Variants in DIPK1A observed in about 807,000 individuals in gnomAD.
The protein encoded by DIPK1A is family with sequence similarity 69 member A.
In DIPK1A, 27 loss-of-function variants were observed where a neutral mutation model predicts 40.8. The observed-to-expected ratio is 0.66, with a 90% CI of 0.49 to 0.91. The LOEUF (loss-of-function observed/expected upper bound fraction) is 0.91. DIPK1A is among the 40% of genes least tolerant of loss of function. The probability of loss-of-function intolerance (pLI) is 0.00; values close to 1 mark genes in which losing one functional copy is unlikely to be tolerated. For missense variants in DIPK1A, 412 were observed against 505.7 expected (o/e 0.81, Z 1.78); for synonymous variants, 166 against 171.3 (o/e 0.97, Z 0.24).
chr1:92,833,718 A>T, intron 4 of DIPK1A: 5 of 1,328,148 alleles, frequency 3.8e-6, no homozygotes, highest in Non-Finnish European at 5.4e-6. Flanking sequence ...GTGCTTGGGA[A>T]GCAAAGCACA....
chr1:92,901,588 A>T (rs1317349152), intron 1 of DIPK1A, among the ~76,000 whole-genome samples: 2 of 152,048 alleles, frequency 1.3e-5, no homozygotes, highest in Non-Finnish European at 2.9e-5. Flanking sequence ...TATGGCTGCA[A>T]CTTGGAAACC....
chr1:92,954,408 C>T (rs1250592945), intron 1 of DIPK1A, among the ~76,000 whole-genome samples: 8 of 112,730 alleles, frequency 7.1e-5, no homozygotes, highest in Non-Finnish European at 1.3e-4. Flanking sequence ...GACAGAGTCT[C>T]ACTCTGTCAC....
chr1:92,855,389 CCAAA>C lies in DIPK1A; in HGVS notation c.190-4438_190-4435del, dbSNP rs529553910. Among the ~76,000 whole-genome samples, 241 of 152,036 alleles carry C rather than the reference CCAAA, an allele frequency of 1.6e-3. 2 individuals are homozygous for C. The highest frequency in any genetic ancestry group is 4.9e-3 in the African/African-American group (204 of 41,500). On this transcript the variant is annotated intron_variant, in intron 2 of 4. Transcript: ENST00000370310. ...AGACTTAAAAAAACCAACCAACCAA[CCAAA>C]CAAACAAACAAAAAAAACCCAACAG...
intron 1 of DIPK1A, among the ~76,000 whole-genome samples, chr1:92,912,058 G>A (rs1322140543): frequency 7.2e-6 from 1 of 139,146 alleles, no homozygotes; most frequent in Admixed American, 7.2e-5. Flanking sequence ...TAAAGAAACT[G>A]CCAAACTATT....
chr1:92,933,361 C>T (rs1345831756), intron 1 of DIPK1A: 1 of 152,118 alleles, frequency 6.6e-6, no homozygotes, highest in Admixed American at 6.6e-5. Context: ...GGGAGGCAGG[C>T]ATGGTCAATA....
intron 1 of DIPK1A, among the ~76,000 whole-genome samples, chr1:92,877,814 G>A (rs1220040238): frequency 2.0e-5 from 3 of 152,144 alleles, no homozygotes; most frequent in Non-Finnish European, 4.4e-5. Flanking sequence ...AAGATGACTC[G>A]TCTCTAATAA....
chr1:92,885,380 T>G (rs1386107650), intron 1 of DIPK1A, among the ~76,000 whole-genome samples: 1 of 152,210 alleles, frequency 6.6e-6, no homozygotes, highest in Non-Finnish European at 1.5e-5. Flanking sequence ...CTAATTCATT[T>G]TTTTTTTGGA....
chr1:92,840,539 C>A, downstream of DIPK1A: 1 of 1,604,154 alleles, frequency 6.2e-7, no homozygotes, highest in African/African-American at 1.3e-5. Flanking sequence ...TGTTTGCTTT[C>A]CTTTGTTTCA....
intron 1 of DIPK1A, among the ~76,000 whole-genome samples, chr1:92,956,423 G>C (rs2100923288): frequency 6.6e-6 from 1 of 152,312 alleles, no homozygotes; most frequent in East Asian, 1.9e-4. Context: ...TTCAGGCAAA[G>C]GCAAAAGCTA....
At chr1:92,866,957 ATGTG>A (rs146249082) in intron 2 of DIPK1A, among the ~76,000 whole-genome samples, 11 of 152,044 alleles carry the variant, frequency 7.2e-5, no homozygotes, top group Admixed American at 2.0e-4. Flanking sequence ...TGATTAAATA[ATGTG>A]TGTGTGTGTG....
At chr1:92,845,191 TC>T (rs1457854427) in intron 4 of DIPK1A, among the ~76,000 whole-genome samples, 6 of 150,708 alleles carry the variant, frequency 4.0e-5, no homozygotes, top group Non-Finnish European at 8.9e-5. Flanking sequence ...TTGTGATCCA[TC>T]CGTCTCGGCT....
chr1:92,961,418 A>G lies in DIPK1A; in HGVS notation c.12T>C (p.Ser4=). Residue 4 remains serine, a synonymous_variant, in exon 1 of 5, where the codon AGT becomes AGC. Transcript: ENST00000370310. The part of the protein sequence containing the change: MAR[S]LCPGAWLRKP... ...TCCTTAGCCAGGCCCCCGGACAGAG[A>G]CTCCTCGCCATGGTAATCACACATC... is the stretch of plus-strand genomic sequence containing the variant. The G allele has an allele frequency of 6.6e-7, 1 of 1,519,278 alleles. No homozygotes were observed. The highest frequency in any genetic ancestry group is 2.9e-5 in the East Asian group (1 of 35,086). The allele number at this position is 1,519,278 out of a possible 1,614,324, so 94.1% of individuals were successfully genotyped here. A position where few individuals can be genotyped will look rare whatever the true frequency, so the allele number is the denominator to read the frequency against.
rs1351246889 is a variant in DIPK1A, at chr1:92,843,032, A to G, written c.*351T>C. 12 of 1,003,012 alleles carry G rather than the reference A, an allele frequency of 1.2e-5. No homozygotes were observed. Among genetic ancestry groups the G allele is most frequent in the Non-Finnish European group, 1.4e-5 (12 of 841,946 alleles). 62.1% of individuals were successfully genotyped at this position (1,003,012 alleles called of 1,614,324 possible). A position where few individuals can be genotyped will look rare whatever the true frequency, so the allele number is the denominator to read the frequency against. ...GAACAGCAGCTTCAATGCAAACACA[A>G]TGCTTCCAGCATTGGTATTTTGGCT... is the stretch of plus-strand genomic sequence containing the variant. On this transcript the variant is annotated 3_prime_UTR_variant, in exon 5 of 5. Coordinates refer to ENST00000370310, the MANE Select transcript of DIPK1A (RefSeq NM_001006605.5).
rs908954921 is a variant in DIPK1A, at chr1:92,867,201, C to A, written c.189+9095G>T. Among the ~76,000 whole-genome samples, 9 of 144,442 alleles carry A rather than the reference C, an allele frequency of 6.2e-5. No individual in the cohort carries two copies. In the East Asian group the frequency reaches 1.9e-3, roughly 30 times the overall value. 94.8% of individuals were successfully genotyped at this position (144,442 alleles called of 152,430 possible). A position where few individuals can be genotyped will look rare whatever the true frequency, so the allele number is the denominator to read the frequency against. On this transcript the variant is annotated intron_variant, in intron 2 of 4. Transcript: ENST00000370310. ...AAAGCTGGAACTGAAACCTAAAGTT[C>A]TTTTACTCCAATTCTTTTTTTTTTT...
At chr1:92,836,671 TATTAGAA>T (rs893037425) in intron 4 of DIPK1A, 4 of 406,546 alleles carry the variant, frequency 9.8e-6, no homozygotes, top group African/African-American at 8.1e-5. Flanking sequence ...ACTTAATTCT[TATTAGAA>T]ATGAGCAACT....
At chr1:92,961,255 G>T (rs1299348687) in intron 1 of DIPK1A, 121 bp downstream of exon 1, 1 of 540,688 alleles carries the variant, frequency 1.8e-6, no homozygotes, top group Non-Finnish European at 2.8e-6. Context: ...GCAGGGGGCA[G>T]CGGGGTTCGG....
chr1:92,870,347 T>A (rs1016146557), intron 2 of DIPK1A, among the ~76,000 whole-genome samples: 1 of 152,174 alleles, frequency 6.6e-6, no homozygotes, highest in African/African-American at 2.4e-5. Context: ...TGCCTCAGCC[T>A]CCTGGGTAGC....
At chr1:92,867,500 TTTG>T (rs530607989) in intron 2 of DIPK1A, among the ~76,000 whole-genome samples, 10 of 151,914 alleles carry the variant, frequency 6.6e-5, no homozygotes, top group East Asian at 1.9e-4. Flanking sequence ...AGATATAAAC[TTTG>T]TTGTTGTTGT....
intron 1 of DIPK1A, among the ~76,000 whole-genome samples, chr1:92,882,086 G>A (rs1648403105): frequency 6.6e-6 from 1 of 152,052 alleles, no homozygotes; most frequent in South Asian, 2.1e-4. Context: ...TACCACTTGG[G>A]TAAAAATACA....
Sources: gnomAD v4.1 joint callset for allele counts (sites outside exome capture counted in the v4.1 genomes callset) on GRCh38, gnomAD v4.1.1 for gene constraint, MANE v1.5 for transcripts, NCBI Gene and HGNC (gene_info 2026-07-23, HGNC 2026-07-21) for gene names.